UBE4B: variants seen among roughly 807,000 people sequenced by gnomAD.
The protein encoded by UBE4B is ubiquitination factor E4B.
Under a neutral mutation model 148.1 loss-of-function variants are expected in UBE4B, and 27 were observed. That is an observed-to-expected ratio of 0.18 (90% CI 0.13 to 0.25). UBE4B has a LOEUF of 0.25. UBE4B is among the 10% of genes least tolerant of loss of function. The probability of loss-of-function intolerance (pLI) is 1.00; values close to 1 mark genes in which losing one functional copy is unlikely to be tolerated. For synonymous variants in UBE4B, 596 were observed against 619.3 expected (o/e 0.96, Z 0.56); for missense variants, 1,170 against 1,662.4 (o/e 0.70, Z 5.15).
intron 2 of UBE4B, among the ~76,000 whole-genome samples, chr1:10,084,777 A>T (rs1280798435): frequency 1.4e-5 from 2 of 147,632 alleles, no homozygotes; most frequent in African/African-American, 5.0e-5. Flanking sequence ...GGCTCACTGT[A>T]GCCTCCACCT....
Position 10,072,060 on chromosome 1 carries a change from T to C in UBE4B, c.57T>C (p.Gly19=), listed in dbSNP as rs773878398. ...IRRRRLARLA[G]GQTSQPTTPL... ...GGAGGCGCCTTGCACGACTTGCTGG[T>C]GGACAGACCTCTCAGCCAACCACCC... The change falls in exon 2 of 28, where the codon GGT becomes GGC. Residue 19 remains glycine, a synonymous_variant. Coordinates refer to ENST00000343090, the MANE Select transcript of UBE4B (RefSeq NM_001105562.3). 23 of 1,608,458 alleles carry C rather than the reference T, an allele frequency of 1.4e-5. No individual in the cohort carries two copies. In the Admixed American group the frequency reaches 3.9e-4, roughly 27 times the overall value.
intron 23 of UBE4B, among the ~76,000 whole-genome samples, chr1:10,164,410 C>T (rs554680775): frequency 6.6e-6 from 1 of 151,998 alleles, no homozygotes; most frequent in Admixed American, 6.6e-5. Context: ...AGTGCAATGA[C>T]AGATCTTAGC....
intron 2 of UBE4B, among the ~76,000 whole-genome samples, chr1:10,083,891 A>C (rs868778721): frequency 6.6e-6 from 1 of 152,146 alleles, no homozygotes. Flanking sequence ...CTAGGGTCAT[A>C]CTAATTACTT....
intron 15 of UBE4B, among the ~76,000 whole-genome samples, chr1:10,133,714 C>G (rs1161800208): frequency 6.6e-6 from 1 of 151,586 alleles, no homozygotes; most frequent in Non-Finnish European, 1.5e-5. Flanking sequence ...CATTTGAGAC[C>G]AGCCCTGGCG....
intron 10 of UBE4B, among the ~76,000 whole-genome samples, chr1:10,122,325 GA>G (rs1645424097): frequency 6.6e-6 from 1 of 152,048 alleles, no homozygotes; most frequent in South Asian, 2.1e-4. Flanking sequence ...CGGGCAATAT[GA>G]AAAAAATATG....
At chr1:10,081,060 A>G (rs1315466049) in intron 2 of UBE4B, among the ~76,000 whole-genome samples, 1 of 152,186 alleles carries the variant, frequency 6.6e-6, no homozygotes, top group Non-Finnish European at 1.5e-5. Context: ...TTTAAAAACA[A>G]CAATATTATT....
intron 25 of UBE4B, among the ~76,000 whole-genome samples, chr1:10,173,849 G>A (rs1384322397): frequency 6.6e-6 from 1 of 152,248 alleles, no homozygotes; most frequent in Non-Finnish European, 1.5e-5. Context: ...GCCCAGTGAG[G>A]TGATGCAAAG....
chr1:10,085,169 ATTGG>A (rs1644745842), intron 2 of UBE4B, among the ~76,000 whole-genome samples: 1 of 152,194 alleles, frequency 6.6e-6, no homozygotes, highest in Non-Finnish European at 1.5e-5. Context: ...GCAAGTGGAC[ATTGG>A]TCAGGTTTGG....
intron 11 of UBE4B, chr1:10,129,148 G>A (rs1645550117): frequency 2.2e-6 from 1 of 450,180 alleles, no homozygotes; most frequent in African/African-American, 1.9e-5. Flanking sequence ...TATCTTTGAG[G>A]GTAAAGCTTG....
At chr1:10,036,082 CTTTT>C (rs112866835) in intron 1 of UBE4B, among the ~76,000 whole-genome samples, 1 of 136,438 alleles carries the variant, frequency 7.3e-6, no homozygotes, top group African/African-American at 2.7e-5. Context: ...CTATAAATTA[CTTTT>C]TTTTTTTTTT....
At chr1:10,123,384 T>G (rs1645441337) in intron 10 of UBE4B, among the ~76,000 whole-genome samples, 1 of 129,964 alleles carries the variant, frequency 7.7e-6, no homozygotes, top group Non-Finnish European at 1.5e-5. Flanking sequence ...GAGCCGAGAT[T>G]ACACCACTGC....
intron 22 of UBE4B, among the ~76,000 whole-genome samples, chr1:10,159,153 G>A (rs1646120770): frequency 6.6e-6 from 1 of 152,112 alleles, no homozygotes; most frequent in Non-Finnish European, 1.5e-5. Flanking sequence ...CCTGAATGTT[G>A]GAAGGACTTT....
chr1:10,140,970 C>T (rs1487271957), intron 17 of UBE4B, among the ~76,000 whole-genome samples: 1 of 152,078 alleles, frequency 6.6e-6, no homozygotes, highest in Non-Finnish European at 1.5e-5. Context: ...TAATATGAAC[C>T]TCTCCCAACT....
At chr1:10,062,958 A>G (rs181891239) in intron 1 of UBE4B, among the ~76,000 whole-genome samples, 9,842 of 145,986 alleles carry the variant, frequency 0.067, 433 homozygotes, top group Non-Finnish European at 0.1. Context: ...CTCCGTCTCA[A>G]AAAAAAAAAA....
chr1:10,151,298 C>G, intron 20 of UBE4B, 28 bp from the exon 21 acceptor site: 1 of 1,606,786 alleles, frequency 6.2e-7, no homozygotes, highest in Non-Finnish European at 8.5e-7. Context: ...TCAGCGGTCT[C>G]TTTCTTGCTC....
intron 1 of UBE4B, among the ~76,000 whole-genome samples, chr1:10,050,631 C>G (rs534073109): frequency 6.6e-6 from 1 of 152,186 alleles, no homozygotes; most frequent in South Asian, 2.1e-4. Context: ...AGTTCTGGCA[C>G]AGGGCTTGGC....
intron 7 of UBE4B, among the ~76,000 whole-genome samples, chr1:10,109,139 G>T (rs1002737702): frequency 2.6e-5 from 4 of 152,018 alleles, no homozygotes; most frequent in African/African-American, 4.8e-5. Flanking sequence ...TGTGGTGTCA[G>T]CTCTGTCCAT....
chr1:10,168,434 A>C lies in UBE4B; in HGVS notation c.3333+164A>C, dbSNP rs894845463. Among the ~76,000 whole-genome samples, 7 of 152,234 alleles carry C rather than the reference A, an allele frequency of 4.6e-5. No homozygotes were observed. The highest frequency in any genetic ancestry group is 1.7e-4 in the African/African-American group (7 of 41,468). ...GTTCCCAGTTATGCTAATTGATACC[A>C]GACTCTGTTGATGGACTGAAGAGCA... On this transcript the variant is annotated intron_variant, in intron 24 of 27. Coordinates refer to ENST00000343090, the MANE Select transcript of UBE4B (RefSeq NM_001105562.3). The surrounding 1 kb of genome is among the most constrained non-coding windows in gnomAD (Gnocchi z 4.9).
At chr1:10,121,445 C>T (rs935631632) in intron 9 of UBE4B, among the ~76,000 whole-genome samples, 1 of 152,136 alleles carries the variant, frequency 6.6e-6, no homozygotes, top group African/African-American at 2.4e-5. Flanking sequence ...GAATCTCACT[C>T]TGTTGTCTAG....
Sources: gnomAD v4.1 joint callset for allele counts (sites outside exome capture counted in the v4.1 genomes callset) on GRCh38, gnomAD v4.1.1 for gene constraint, Gnocchi (gnomAD v3.1) non-coding constraint, MANE v1.5 for transcripts, NCBI Gene and HGNC (gene_info 2026-07-23, HGNC 2026-07-21) for gene names.